Variants in CSGALNACT1 observed in about 807,000 individuals in gnomAD.
CSGALNACT1 encodes chondroitin sulfate N-acetylgalactosaminyltransferase 1.
In CSGALNACT1, 52 loss-of-function variants were observed where a neutral mutation model predicts 51.0. That is an observed-to-expected ratio of 1.02 (90% CI 0.82 to 1.29). The LOEUF is 1.29. CSGALNACT1 is among the 50% of genes most tolerant of loss of function. The pLI, the probability that CSGALNACT1 is intolerant of heterozygous loss-of-function variation, is 0.00. For missense variants in CSGALNACT1, 935 were observed against 679.2 expected, an observed-to-expected ratio of 1.38 and a Z score of -4.19; for synonymous variants, 341 against 254.4, an observed-to-expected ratio of 1.34 and a Z score of -3.24.
intron 8 of CSGALNACT1, among the ~76,000 whole-genome samples, chr8:19,417,182 C>G (rs948510083): frequency 1.3e-5 from 2 of 152,146 alleles, no homozygotes; most frequent in African/African-American, 4.8e-5. Flanking sequence ...ACGTGAAAAA[C>G]TCTTACTGTT....
chr8:19,588,242 TCACA>T (rs1020274526), intron 3 of CSGALNACT1, among the ~76,000 whole-genome samples: 94 of 152,088 alleles, frequency 6.2e-4, no homozygotes, highest in African/African-American at 2.2e-3. Context: ...ATACATATAC[TCACA>T]CAAACACATA....
At chr8:19,570,754 G>C (rs2042850910) in intron 3 of CSGALNACT1, among the ~76,000 whole-genome samples, 1 of 152,100 alleles carries the variant, frequency 6.6e-6, no homozygotes, top group Non-Finnish European at 1.5e-5. Flanking sequence ...ACAAAAATTA[G>C]CCAAGTGTGG....
chr8:19,496,910 G>A (rs142581204), intron 4 of CSGALNACT1, among the ~76,000 whole-genome samples: 2 of 152,234 alleles, frequency 1.3e-5, no homozygotes, highest in Non-Finnish European at 2.9e-5. Flanking sequence ...TTAGGACACC[G>A]ACCATGCTGT....
Position 19,740,580 on chromosome 8 carries a change from T to C in CSGALNACT1, c.-297+17270A>G, listed in dbSNP as rs1563192004. Among the ~76,000 whole-genome samples, 3 of 152,316 alleles carry C rather than the reference T, an allele frequency of 2.0e-5. No homozygotes were observed. The South Asian group carries it at 6.2e-4, about 32-fold the overall frequency. On this transcript the variant is annotated intron_variant, in intron 1 of 1. Transcript: ENST00000517494. ...TTTCATTTGAAAAATTCCACTGGGG[T>C]CTTTCTTGCAACTTATTTTAGTAAC...
chr8:19,601,814 G>A (rs28558562), exon 2 of CSGALNACT1: 1 of 453,546 alleles, frequency 2.2e-6, no homozygotes, highest in Admixed American at 2.4e-5. Context: ...CTACATCATT[G>A]CTCCTCTGGG....
Position 19,547,676 on chromosome 8 carries a change from T to C in CSGALNACT1, c.-296-41546A>G, listed in dbSNP as rs529038058. ...CCAGTCTCGGGTATATCTTTATTAG[T>C]AGTGTGAGAACAGACTAATACCGTA... On this transcript the variant is annotated intron_variant, in intron 3 of 9. Transcript: ENST00000454498. 2.0e-5 allele frequency among the ~76,000 whole-genome samples: 3 copies of C among 152,316 alleles called. No homozygotes were observed. In the South Asian group the frequency reaches 6.2e-4, roughly 32 times the overall value.
chr8:19,456,198 G>C (rs1349344241), intron 5 of CSGALNACT1, among the ~76,000 whole-genome samples: 2 of 152,090 alleles, frequency 1.3e-5, no homozygotes, highest in Non-Finnish European at 2.9e-5. Flanking sequence ...AAATTCTGCT[G>C]ACACTAAGGA....
chr8:19,412,341 T>C lies in CSGALNACT1; in HGVS notation c.1228-3647A>G, dbSNP rs572151079. ...ATTCACGTGACAGGGATGATTATTT[T>C]CTATTAGGACCAAAACACAAAGCAC... is the stretch of plus-strand genomic sequence containing the variant. On this transcript the variant is annotated intron_variant, in intron 8 of 9. Coordinates refer to ENST00000454498, the Ensembl canonical transcript of CSGALNACT1. Among the ~76,000 whole-genome samples the C allele has an allele frequency of 5.3e-5, 8 of 152,252 alleles. No individual in the cohort carries two copies. The South Asian group carries it at 1.5e-3, about 28-fold the overall frequency.
In CSGALNACT1 at chr8:19,584,162, C is replaced by T. The variant is rs113162070; in HGVS notation, c.-297+6998G>A. 8.4e-3 allele frequency among the ~76,000 whole-genome samples: 1,274 copies of T among 152,282 alleles called. 27 individuals are homozygous for T. Among genetic ancestry groups the T allele is most frequent in the African/African-American group, 0.029 (1,214 of 41,550 alleles). On this transcript the variant is annotated intron_variant, in intron 3 of 9. Transcript: ENST00000454498. Reference sequence around the variant, plus strand: ...CTTGTGACTTTTGAAAGATCACCTACCTCTGCTGTTTTTTCATCTGCAGAA... The same window carrying T: ...CTTGTGACTTTTGAAAGATCACCTATCTCTGCTGTTTTTTCATCTGCAGAA...
At chr8:19,504,862 C>A (rs1587420259) in intron 4 of CSGALNACT1, among the ~76,000 whole-genome samples, 2 of 152,266 alleles carry the variant, frequency 1.3e-5, no homozygotes, top group Middle Eastern at 6.8e-3. Flanking sequence ...AGCTTGCTAA[C>A]CAAGCTCAGT....
intron 1 of CSGALNACT1, among the ~76,000 whole-genome samples, chr8:19,620,042 G>C (rs1003414879): frequency 2.6e-5 from 4 of 152,182 alleles, no homozygotes; most frequent in Admixed American, 6.5e-5. Context: ...GCTGGGCATA[G>C]TGGCTCACAC....
rs1401110525 is a variant in CSGALNACT1 at position 19,530,305 on chromosome 8, TACACATACACACACACAC to T, written c.-296-24193_-296-24176del. ...AATCCATTCAATATCCATGAATGTG[TACACATACACACACACAC>T]ACACACACACACACACGCACACAAG... On this transcript the variant is annotated intron_variant, in intron 3 of 9. Transcript: ENST00000454498. Among the ~76,000 whole-genome samples, 517 of 149,224 alleles carry T rather than the reference TACACATACACACACACAC, an allele frequency of 3.5e-3. 3 individuals carry two copies. The highest frequency in any genetic ancestry group is 4.8e-3 in the Non-Finnish European group (323 of 67,864).
At chr8:19,474,351 C>T (rs1047920612) in intron 4 of CSGALNACT1, among the ~76,000 whole-genome samples, 7 of 152,022 alleles carry the variant, frequency 4.6e-5, no homozygotes, top group African/African-American at 1.7e-4. Flanking sequence ...ATTATCAAAA[C>T]TTTGGCAGTA....
intron 1 of CSGALNACT1, among the ~76,000 whole-genome samples, chr8:19,614,018 C>A (rs1361078131): frequency 6.6e-6 from 1 of 152,150 alleles, no homozygotes; most frequent in Non-Finnish European, 1.5e-5. Context: ...AATGCCGTGT[C>A]AAAGTTAACA....
intron 1 of CSGALNACT1, among the ~76,000 whole-genome samples, chr8:19,614,970 G>A (rs1308863313): frequency 6.6e-6 from 1 of 152,210 alleles, no homozygotes; most frequent in African/African-American, 2.4e-5. Flanking sequence ...TTAAACAAGT[G>A]TTGAAGTATC....
At chr8:19,479,068 T>G (rs952760189) in intron 4 of CSGALNACT1, among the ~76,000 whole-genome samples, 1 of 152,250 alleles carries the variant, frequency 6.6e-6, no homozygotes, top group African/African-American at 2.4e-5. Context: ...TACATGGTCT[T>G]ATTAATGACT....
intron 1 of CSGALNACT1, among the ~76,000 whole-genome samples, chr8:19,638,778 C>A (rs532056735): frequency 6.6e-6 from 1 of 152,056 alleles, no homozygotes; most frequent in Non-Finnish European, 1.5e-5. Flanking sequence ...TGCTCCCCAC[C>A]AAGAAAGAGC....
chr8:19,748,712 C>A (rs1016515908), intron 1 of CSGALNACT1, among the ~76,000 whole-genome samples: 1 of 152,092 alleles, frequency 6.6e-6, no homozygotes, highest in Non-Finnish European at 1.5e-5. Context: ...CATCTGTAAA[C>A]CCAGCACTTT....
Position 19,627,826 on chromosome 8 carries a change from C to T in CSGALNACT1, c.-543-25961G>A, listed in dbSNP as rs553127963. Among the ~76,000 whole-genome samples, 12 of 152,152 alleles carry T rather than the reference C, an allele frequency of 7.9e-5. No individual in the cohort carries two copies. In the East Asian group the frequency reaches 2.1e-3, roughly 27 times the overall value. On this transcript the variant is annotated intron_variant, in intron 1 of 9. Transcript: ENST00000332246. Reference sequence around the variant, plus strand: ...TGGGTGACAGAGCAAGACCTCCTACCTTTAAAAAAATAAAGCAGGATGAAA... The same window carrying T: ...TGGGTGACAGAGCAAGACCTCCTACTTTTAAAAAAATAAAGCAGGATGAAA...
Sources: allele counts gnomAD v4.1 joint callset (sites outside exome capture counted in the v4.1 genomes callset), GRCh38; gene constraint gnomAD v4.1.1; transcripts MANE v1.5; gene names NCBI Gene and HGNC (gene_info 2026-07-23, HGNC 2026-07-21).